Variants in PCLO observed in about 807,000 individuals in gnomAD.
PCLO encodes piccolo presynaptic cytomatrix protein.
A neutral mutation model predicts 427.5 loss-of-function variants in PCLO; 82 were observed. That is an observed-to-expected ratio of 0.19 (90% CI 0.16 to 0.23). The LOEUF (loss-of-function observed/expected upper bound fraction) is 0.23, where lower values mean the gene tolerates loss of function less well. Among genes scored for constraint, PCLO ranks in the 10% least tolerant of loss-of-function variants. The pLI, the probability that PCLO is intolerant of heterozygous loss-of-function variation, is 1.00. For missense variants in PCLO, 6,239 were observed against 6,115.9 expected, an observed-to-expected ratio of 1.02 and a Z score of -0.67; for synonymous variants, 2,357 against 2,155.4, an observed-to-expected ratio of 1.09 and a Z score of -2.59.
At chr7:83,043,091 T>C (rs1789012210) in intron 3 of PCLO, among the ~76,000 whole-genome samples, 1 of 152,110 alleles carries the variant, frequency 6.6e-6, no homozygotes, top group Non-Finnish European at 1.5e-5. Context: ...CTGGCTTCTG[T>C]TCAATAGATC....
chr7:82,993,143 C>T (rs1166174642), intron 3 of PCLO, among the ~76,000 whole-genome samples: 1 of 151,754 alleles, frequency 6.6e-6, no homozygotes, highest in Non-Finnish European at 1.5e-5. Context: ...TAGATTGTAC[C>T]TTTATAATTC....
chr7:82,837,153 C>T (rs959974489), intron 15 of PCLO, among the ~76,000 whole-genome samples: 1 of 151,940 alleles, frequency 6.6e-6, no homozygotes, highest in Non-Finnish European at 1.5e-5. Flanking sequence ...GAAATATATA[C>T]TAAAATATTT....
At chr7:83,141,227 T>A (rs982746447) in intron 2 of PCLO, among the ~76,000 whole-genome samples, 1 of 152,132 alleles carries the variant, frequency 6.6e-6, no homozygotes, top group Admixed American at 6.6e-5. Context: ...ACGATATCAA[T>A]GTGTCCTGAA....
rs1286620111 is a variant in PCLO, at chr7:83,038,039, TTATA to T, written c.3301-71556_3301-71553del. On this transcript the variant is annotated intron_variant, in intron 3 of 24. Coordinates refer to ENST00000333891, the MANE Select transcript of PCLO (RefSeq NM_033026.6). The stretch of plus-strand genomic sequence containing the variant: ...TATATATATATATATATTTATATAT[TTATA>T]TATATATCTTTATATATATATTTAT... 2.1e-4 allele frequency among the ~76,000 whole-genome samples: 5 copies of T among 23,368 alleles called. 2 individuals are homozygous for T. In the East Asian group the frequency reaches 9.5e-3, roughly 45 times the overall value. The allele number at this position is 23,368 out of a possible 152,430, so 15.3% of individuals were successfully genotyped here. A position where few individuals can be genotyped will look rare whatever the true frequency, so the allele number is the denominator to read the frequency against.
At chr7:82,821,331 G>A (rs1433369693) in intron 20 of PCLO, 1 of 986,036 alleles carries the variant, frequency 1.0e-6, no homozygotes, top group Non-Finnish European at 1.2e-6. Flanking sequence ...CCCAGAGTAT[G>A]TATCCTCAGA....
chr7:82,839,083 A>AT lies in PCLO; in HGVS notation c.14098-742dup, dbSNP rs879527154. 2.0e-5 allele frequency among the ~76,000 whole-genome samples: 3 copies of AT among 152,090 alleles called. 1 individual carries two copies. In the Middle Eastern group the frequency reaches 0.01, roughly 517 times the overall value. On this transcript the variant is annotated intron_variant, in intron 14 of 24. Coordinates refer to ENST00000333891, the MANE Select transcript of PCLO (RefSeq NM_033026.6). Reference sequence around the variant, plus strand: ...ATAATTCAAAATAATTGAGTTAAGCATTTTTTTCTTCTACAATTGAAAGAC... The same window carrying AT: ...ATAATTCAAAATAATTGAGTTAAGCATTTTTTTTCTTCTACAATTGAAAGAC...
chr7:82,847,223 C>A lies in PCLO; in HGVS notation c.13679G>T (p.Gly4560Val). Reference sequence around the variant, plus strand: ...ATATGTTTTAGAAGTCAAGGGAATTCCATTCCATTCCAATACTTGCATCCC... The same window carrying A: ...ATATGTTTTAGAAGTCAAGGGAATTACATTCCATTCCAATACTTGCATCCC... ...MEGMQVLEWN[G>V]IPLTSKTYEE... The change falls in exon 11 of 25, where the codon GGA (glycine) becomes GTA (valine). Residue 4560 changes from glycine to valine, a missense_variant. Transcript: ENST00000333891. The A allele has an allele frequency of 6.3e-7, 1 of 1,592,488 alleles. No individual in the cohort carries two copies. The highest frequency in any genetic ancestry group is 1.1e-5 in the South Asian group (1 of 89,808).
chr7:82,800,608 T>G (rs766824790), intron 22 of PCLO, among the ~76,000 whole-genome samples: 2 of 152,126 alleles, frequency 1.3e-5, no homozygotes, highest in Non-Finnish European at 2.9e-5. Flanking sequence ...ATTTATTTTA[T>G]TTTTTGAGAT....
At chr7:83,070,594 A>G (rs996712946) in intron 3 of PCLO, among the ~76,000 whole-genome samples, 2 of 152,022 alleles carry the variant, frequency 1.3e-5, no homozygotes, top group Non-Finnish European at 2.9e-5. Context: ...TCACCATGTT[A>G]GCCAGGATAG....
At chr7:83,153,023 T>C (rs925224099) in intron 2 of PCLO, among the ~76,000 whole-genome samples, 3 of 152,032 alleles carry the variant, frequency 2.0e-5, no homozygotes, top group South Asian at 2.1e-4. Flanking sequence ...TTCTGCCTTG[T>C]AAATTGCCAC....
At chr7:82,881,816 T>A (rs1793515195) in intron 9 of PCLO, among the ~76,000 whole-genome samples, 1 of 152,062 alleles carries the variant, frequency 6.6e-6, no homozygotes, top group Non-Finnish European at 1.5e-5. Flanking sequence ...AATTTTTTTT[T>A]ATTTTTAGTA....
At chr7:83,147,265 CAT>C (rs1471699938) in intron 2 of PCLO, among the ~76,000 whole-genome samples, 3 of 152,016 alleles carry the variant, frequency 2.0e-5, no homozygotes, top group African/African-American at 7.2e-5. Context: ...TTAAATAATA[CAT>C]GTTTTTAAAT....
intron 2 of PCLO, among the ~76,000 whole-genome samples, chr7:83,146,212 C>T (rs1448013164): frequency 2.0e-5 from 3 of 152,122 alleles, no homozygotes; most frequent in African/African-American, 7.2e-5. Context: ...GCTTCCTTAT[C>T]AAAGGTAACA....
At chr7:82,943,435 A>G (rs553147266) in intron 6 of PCLO, among the ~76,000 whole-genome samples, 1 of 152,014 alleles carries the variant, frequency 6.6e-6, no homozygotes, top group South Asian at 2.1e-4. Flanking sequence ...CCAAAATGTG[A>G]TATTTCTTAA....
intron 3 of PCLO, among the ~76,000 whole-genome samples, chr7:83,025,298 G>C (rs1349468558): frequency 6.6e-6 from 1 of 151,516 alleles, no homozygotes; most frequent in South Asian, 2.1e-4. Flanking sequence ...CGAGAACTAC[G>C]TGAAGAATGC....
At chr7:82,845,950 C>T (rs1346483334) in intron 12 of PCLO, among the ~76,000 whole-genome samples, 1 of 151,976 alleles carries the variant, frequency 6.6e-6, no homozygotes, top group Non-Finnish European at 1.5e-5. Context: ...CTGCTTAGTA[C>T]AATAACCCAG....
At chr7:83,152,628 G>GCCA (rs1792167221) in intron 2 of PCLO, among the ~76,000 whole-genome samples, 1 of 152,116 alleles carries the variant, frequency 6.6e-6, no homozygotes, top group Non-Finnish European at 1.5e-5. Flanking sequence ...GTAGCTCCAA[G>GCCA]TTTGGGCCCA....
intron 6 of PCLO, among the ~76,000 whole-genome samples, chr7:82,925,114 T>C (rs907533615): frequency 2.7e-4 from 41 of 152,150 alleles, no homozygotes; most frequent in African/African-American, 9.4e-4. Flanking sequence ...GTAATACTTA[T>C]ACATACTATA....
rs1270204657 is a variant in PCLO, at chr7:83,096,942, T to C, written c.3300+37308A>G. 1.3e-4 allele frequency among the ~76,000 whole-genome samples: 6 copies of C among 45,304 alleles called. 1 individual carries two copies. The highest frequency in any genetic ancestry group is 5.8e-4 in the African/African-American group (6 of 10,422). The allele number at this position is 45,304 out of a possible 152,430, so 29.7% of individuals were successfully genotyped here. On this transcript the variant is annotated intron_variant, in intron 3 of 24. Coordinates refer to ENST00000333891, the MANE Select transcript of PCLO (RefSeq NM_033026.6). ...ATATATAATATAATATAATATATTATATATTATATAAATAATATAATATAA... is the reference window on the plus strand; with the variant it reads ...ATATATAATATAATATAATATATTACATATTATATAAATAATATAATATAA...
Sources: gnomAD v4.1 joint callset for allele counts (sites outside exome capture counted in the v4.1 genomes callset) on GRCh38, gnomAD v4.1.1 for gene constraint, MANE v1.5 for transcripts, NCBI Gene and HGNC (gene_info 2026-07-23, HGNC 2026-07-21) for gene names.